The following NR1D2 variants were observed in gnomAD, a reference collection of about 807,000 sequenced individuals.
NR1D2 encodes nuclear receptor subfamily 1 group D member 2, also known as V-erbA-related protein 1-related.
NR1D2 carries 25 observed loss-of-function variants against 52.2 expected under a neutral mutation model. The ratio of observed to expected loss-of-function variants is 0.48; its 90% CI spans 0.35 to 0.67. NR1D2 has a LOEUF of 0.67. NR1D2 is among the 30% of genes least tolerant of loss of function. NR1D2 has a pLI of 0.01. For missense variants in NR1D2, 681 were observed against 707.2 expected (o/e 0.96, Z 0.42); for synonymous variants, 259 against 230.1 (o/e 1.13, Z -1.14).
At chr3:23,966,090 CT>C (rs1447755705) in intron 6 of NR1D2, among the ~76,000 whole-genome samples, 3 of 152,194 alleles carry the variant, frequency 2.0e-5, no homozygotes, top group African/African-American at 7.2e-5. Context: ...CTTTCACCTT[CT>C]GTCTGCCCCA....
At position 23,945,462 on chromosome 3, in the gene NR1D2, G is replaced by C. The variant is rs1233734775; in HGVS notation, c.-117G>C. On this transcript the variant is annotated 5_prime_UTR_variant, in exon 1 of 8. Coordinates refer to ENST00000312521, the MANE Select transcript of NR1D2 (RefSeq NM_005126.5). Reference sequence around the variant, plus strand: ...GGAGCCCCGCCCGCTCTGCCCATGAGGGGGCCCCGCGACCACCGCTGCTTC... The same window carrying C: ...GGAGCCCCGCCCGCTCTGCCCATGACGGGGCCCCGCGACCACCGCTGCTTC... 2.2e-5 allele frequency: 11 copies of C among 501,378 alleles called. No homozygotes were observed. The highest frequency in any genetic ancestry group is 1.2e-4 in the African/African-American group (6 of 48,084). The allele number at this position is 501,378 out of a possible 1,614,324, so 31.1% of individuals were successfully genotyped here. A position where few individuals can be genotyped will look rare whatever the true frequency, so the allele number is the denominator to read the frequency against.
intron 7 of NR1D2, among the ~76,000 whole-genome samples, chr3:23,973,751 AAC>A (rs1453747243): frequency 6.6e-6 from 1 of 152,194 alleles, no homozygotes; most frequent in African/African-American, 2.4e-5. Context: ...GTCTTGTAGT[AAC>A]ACTTAGCTTA....
In NR1D2 at chr3:23,980,469, T is replaced by C. The variant is rs1238865066; in HGVS notation, c.*3050T>C. 1.3e-5 allele frequency: 2 copies of C among 152,004 alleles called. No individual in the cohort carries two copies. The highest frequency in any genetic ancestry group is 1.3e-4 in the Admixed American group (2 of 15,248). 9.4% of individuals were successfully genotyped at this position (152,004 alleles called of 1,614,324 possible). ...ATGGAAAAATGAAATGGCTATTGTT[T>C]AAAAAAATGATAGAAATACATTGTT... On this transcript the variant is annotated 3_prime_UTR_variant, in exon 8 of 8. Transcript: ENST00000312521.
intron 1 of NR1D2, among the ~76,000 whole-genome samples, chr3:23,949,370 A>T (rs1705862834): frequency 6.6e-6 from 1 of 152,032 alleles, no homozygotes; most frequent in African/African-American, 2.4e-5. Context: ...GTCTGAAAAA[A>T]AAAAACAACA....
Position 23,945,504 on chromosome 3 carries a change from GGCGCTGAGGCGGCGGCGGCGGCGCT to G in NR1D2, c.-72_-48del, listed in dbSNP as rs1559326745. ...CGCTGCTTCCAGCCCGGGGCGGCGC[GGCGCTGAGGCGGCGGCGGCGGCGCT>G]GCCCCCTCTGCGGGAAGCGGGCGGC... On this transcript the variant is annotated 5_prime_UTR_variant, in exon 1 of 8. It removes the in-frame stop codon of an upstream open reading frame in the 5' UTR. Transcript: ENST00000312521. 1.1e-6 allele frequency: 1 copy of G among 937,276 alleles called. No homozygotes were observed. The allele number at this position is 937,276 out of a possible 1,614,324, so 58.1% of individuals were successfully genotyped here.
chr3:23,959,943 T>C, intron 4 of NR1D2, 128 bp downstream of exon 4: 1 of 806,610 alleles, frequency 1.2e-6, no homozygotes, highest in Non-Finnish European at 1.8e-6. Flanking sequence ...GAAAACATAT[T>C]TTCATGCTTT....
chr3:23,970,137 T>C, intron 7 of NR1D2, among the ~76,000 whole-genome samples: 1 of 152,254 alleles, frequency 6.6e-6, no homozygotes, highest in South Asian at 2.1e-4. Context: ...ACATTAATTC[T>C]GCATTTTTAT....
At position 23,962,348 on chromosome 3, in the gene NR1D2, A is replaced by C; in HGVS notation, c.889A>C (p.Asn297His). 6.2e-7 allele frequency: 1 copy of C among 1,614,172 alleles called. No homozygotes were observed. Among genetic ancestry groups the C allele is most frequent in the Middle Eastern group, 1.6e-4 (1 of 6,062 alleles). Residue 297 changes from asparagine to histidine, a missense_variant, in exon 5 of 8, where the codon AAT (asparagine) becomes CAT (histidine). Asn to His is a moderately conservative substitution (Grantham distance 68, BLOSUM62 1). Coordinates refer to ENST00000312521, the MANE Select transcript of NR1D2 (RefSeq NM_005126.5). The part of the protein sequence containing the change: ...IPKNMEQYNL[N>H]HDHCGNGLSS... The stretch of plus-strand genomic sequence containing the variant: ...CAAGAACATGGAGCAATATAATTTA[A>C]ATCATGATCATTGCGGCAATGGGCT...
At chr3:23,973,265 A>G (rs1178151255) in intron 7 of NR1D2, among the ~76,000 whole-genome samples, 1 of 152,202 alleles carries the variant, frequency 6.6e-6, no homozygotes, top group African/African-American at 2.4e-5. Flanking sequence ...TTGTTAGGCA[A>G]TTTTGTCATT....
At chr3:23,959,925 G>A (rs1559333347) in intron 4 of NR1D2, 110 bp downstream of exon 4, 2 of 974,776 alleles carry the variant, frequency 2.1e-6, no homozygotes, top group Admixed American at 5.5e-5. Flanking sequence ...TGTATTTAAG[G>A]TGAAGCAGAA....
chr3:23,976,750 T>C (rs1706733914), intron 7 of NR1D2, among the ~76,000 whole-genome samples: 1 of 152,134 alleles, frequency 6.6e-6, no homozygotes. Context: ...TAGGTCCACT[T>C]AGTAGGAGGA....
intron 1 of NR1D2, among the ~76,000 whole-genome samples, chr3:23,953,284 T>G (rs1269510778): frequency 1.5e-5 from 2 of 136,184 alleles, no homozygotes; most frequent in Non-Finnish European, 3.0e-5. Context: ...TGGAGGTTGC[T>G]GTAAGTCGAG....
intron 1 of NR1D2, among the ~76,000 whole-genome samples, chr3:23,950,892 C>T (rs4619736): frequency 0.39 from 53,844 of 138,416 alleles, 11,877 homozygotes; most frequent in African/African-American, 0.58. Context: ...TTTCTTTTCT[C>T]TTTCTTTTTC....
In NR1D2 at chr3:23,959,715, G is replaced by T. The variant is rs752831656; in HGVS notation, c.417G>T (p.Lys139Asn). The part of the protein sequence containing the change: ...RSIQQNIQYK[K>N]CLKNENCSIM... ...TTCAACAAAACATCCAGTACAAGAAGTGCCTGAAGAATGAAAACTGTTCTA... is the reference window on the plus strand; with the variant it reads ...TTCAACAAAACATCCAGTACAAGAATTGCCTGAAGAATGAAAACTGTTCTA... Residue 139 changes from lysine (K) to asparagine (N), a missense_variant, in exon 4 of 8, where the codon AAG becomes AAT. This residue lies in a region of NR1D2 where 112 missense variants were observed against 162.3 expected (regional missense o/e 0.69). Coordinates refer to ENST00000312521, the MANE Select transcript of NR1D2 (RefSeq NM_005126.5). 1 of 1,613,892 alleles carries T rather than the reference G, an allele frequency of 6.2e-7. No individual in the cohort carries two copies. Among genetic ancestry groups the T allele is most frequent in the Non-Finnish European group, 8.5e-7 (1 of 1,179,920 alleles).
Position 23,957,723 on chromosome 3 carries a change from C to CA in NR1D2, c.372+1611dup, listed in dbSNP as rs1157597750. Among the ~76,000 whole-genome samples the CA allele has an allele frequency of 6.4e-3, 807 of 126,786 alleles. 2 individuals are homozygous for CA. The highest frequency in any genetic ancestry group is 0.015 in the African/African-American group (504 of 34,372). The allele number at this position is 126,786 out of a possible 152,430, so 83.2% of individuals were successfully genotyped here. On this transcript the variant is annotated intron_variant, in intron 3 of 7. Transcript: ENST00000312521. ...TGGGCGACAGAGCCAGATTCCGTCTCAAAAAAAAAAAAAGTGAAGTAATAT... is the reference window on the plus strand; with the variant it reads ...TGGGCGACAGAGCCAGATTCCGTCTCAAAAAAAAAAAAAAGTGAAGTAATAT...
chr3:23,947,089 G>A (rs1470519404), intron 1 of NR1D2, among the ~76,000 whole-genome samples: 1 of 151,746 alleles, frequency 6.6e-6, no homozygotes, highest in Non-Finnish European at 1.5e-5. Flanking sequence ...TTACCTAATC[G>A]GCCTACTTAG....
At chr3:23,965,603 A>G (rs956281254) in intron 6 of NR1D2, among the ~76,000 whole-genome samples, 1 of 152,070 alleles carries the variant, frequency 6.6e-6, no homozygotes, top group Middle Eastern at 3.2e-3. Context: ...GAAACTATCA[A>G]CAAAATAATC....
chr3:23,953,282 G>A (rs1189114305), intron 1 of NR1D2, among the ~76,000 whole-genome samples: 1 of 138,364 alleles, frequency 7.2e-6, no homozygotes, highest in Non-Finnish European at 1.5e-5. Flanking sequence ...GGTGGAGGTT[G>A]CTGTAAGTCG....
chr3:23,958,328 A>G (rs989854530), intron 3 of NR1D2, among the ~76,000 whole-genome samples: 1 of 152,164 alleles, frequency 6.6e-6, no homozygotes, highest in Non-Finnish European at 1.5e-5. Flanking sequence ...GCTATCAAAC[A>G]TATTTCTCAG....
Sources: allele counts gnomAD v4.1 joint callset (sites outside exome capture counted in the v4.1 genomes callset), GRCh38; gene constraint gnomAD v4.1.1; regional missense constraint gnomAD v4.1.1; transcripts MANE v1.5; gene names NCBI Gene and HGNC (gene_info 2026-07-23, HGNC 2026-07-21).